The following GPA33 variants were observed in gnomAD, a reference collection of about 807,000 sequenced individuals.
GPA33 encodes cell surface A33 antigen.
A neutral mutation model predicts 35.6 loss-of-function variants in GPA33; 27 were observed. The ratio of observed to expected loss-of-function variants is 0.76; its 90% confidence interval spans 0.56 to 1.04. The LOEUF (loss-of-function observed/expected upper bound fraction) is 1.04. GPA33 is among the 50% of genes least tolerant of loss of function. The pLI, the probability that GPA33 is intolerant of heterozygous loss-of-function variation, is 0.00. For synonymous variants in GPA33, 176 were observed against 164.0 expected (o/e 1.07, Z -0.56); for missense variants, 428 against 411.9 (o/e 1.04, Z -0.34).
At chr1:167,089,299 G>C (rs1667113075) in intron 1 of GPA33, among the ~76,000 whole-genome samples, 1 of 152,094 alleles carries the variant, frequency 6.6e-6, no homozygotes, top group South Asian at 2.1e-4. Flanking sequence ...CTCTAAACCA[G>C]TCTCCTGGTT....
Position 167,069,009 on chromosome 1 carries a change from C to T in GPA33, c.328G>A (p.Ala110Thr), listed in dbSNP as rs544941275. 6.2e-7 allele frequency: 1 copy of T among 1,614,100 alleles called. No individual in the cohort carries two copies. Among genetic ancestry groups the T allele is most frequent in the Admixed American group, 1.7e-5 (1 of 60,032 alleles). Residue 110 changes from alanine to threonine, a missense_variant, in exon 3 of 7, where the codon GCT (alanine) becomes ACT (threonine). Ala to Thr is a moderately conservative substitution (Grantham distance 58, BLOSUM62 0). Transcript: ENST00000367868. ...GAACACTCGTAGGTGCCGTTGTCAG[C>T]CATGGTCAGCTGATCAATGGTGATG... is the stretch of plus-strand genomic sequence containing the variant. ...ASITIDQLTM[A>T]DNGTYECSVS... is the part of the protein sequence containing the mutation.
intron 4 of GPA33, among the ~76,000 whole-genome samples, chr1:167,061,328 T>A (rs1666434686): frequency 6.6e-6 from 1 of 152,176 alleles, no homozygotes; most frequent in African/African-American, 2.4e-5. Flanking sequence ...TATACACACT[T>A]TGCAGGAAAG....
At chr1:167,074,560 T>C (rs1416778993) in intron 1 of GPA33, among the ~76,000 whole-genome samples, 1 of 152,146 alleles carries the variant, frequency 6.6e-6, no homozygotes, top group African/African-American at 2.4e-5. Flanking sequence ...ATAAAGATTG[T>C]TATTATTTTA....
rs193197936 is a variant in GPA33 at position 167,072,009 on chromosome 1, G to A, written c.198+1376C>T. On this transcript the variant is annotated intron_variant, in intron 2 of 6. Transcript: ENST00000367868. ...TGATGGCAAGAGAAGGTTCCCTTTC[G>A]CTCCTACAAGCTAAAGGCAGCAGCT... is the stretch of plus-strand genomic sequence containing the variant. 9.2e-5 allele frequency among the ~76,000 whole-genome samples: 14 copies of A among 152,220 alleles called. No homozygotes were observed. The East Asian group carries it at 2.5e-3, about 27-fold the overall frequency.
intron 4 of GPA33, chr1:167,058,243 T>A (rs978395305): frequency 6.6e-6 from 1 of 152,154 alleles, no homozygotes; most frequent in Non-Finnish European, 1.5e-5. Flanking sequence ...ATAAAAGCAA[T>A]GTATGCTCCT....
intron 1 of GPA33, among the ~76,000 whole-genome samples, chr1:167,087,932 A>ACACACACACACACACACACACAC (rs374217623): frequency 5.9e-5 from 9 of 151,908 alleles, no homozygotes; most frequent in East Asian, 1.9e-4. Flanking sequence ...ACACACACAC[A>ACACACACACACACACACACACAC]AAGCAGACCA....
At chr1:167,084,683 T>C (rs557759063) in intron 1 of GPA33, among the ~76,000 whole-genome samples, 26 of 152,184 alleles carry the variant, frequency 1.7e-4, no homozygotes, top group Non-Finnish European at 3.5e-4. Flanking sequence ...AATTAGACTA[T>C]ATACCAGCTT....
intron 1 of GPA33, among the ~76,000 whole-genome samples, chr1:167,074,789 G>A (rs911467839): frequency 6.6e-6 from 1 of 151,918 alleles, no homozygotes; most frequent in African/African-American, 2.4e-5. Context: ...TTGTGGGGGT[G>A]GGGGTGGTCT....
At chr1:167,070,292 C>A (rs547925925) in intron 2 of GPA33, among the ~76,000 whole-genome samples, 1 of 152,170 alleles carries the variant, frequency 6.6e-6, no homozygotes, top group East Asian at 1.9e-4. Flanking sequence ...TGAGCTTGGG[C>A]AGGTAGCAAT....
At chr1:167,063,025 G>A (rs762596717) in intron 4 of GPA33, among the ~76,000 whole-genome samples, 3 of 152,350 alleles carry the variant, frequency 2.0e-5, no homozygotes, top group Non-Finnish European at 4.4e-5. Flanking sequence ...GAGAACTGAG[G>A]AATGAGGAAC....
intron 1 of GPA33, among the ~76,000 whole-genome samples, chr1:167,081,113 T>A (rs1469062829): frequency 6.6e-6 from 1 of 152,114 alleles, no homozygotes; most frequent in South Asian, 2.1e-4. Context: ...TTGTAAAAAA[T>A]TAAGGTTTAT....
At chr1:167,068,889 C>G (rs1304676053) in intron 3 of GPA33, 33 bp downstream of exon 3, 1 of 1,562,286 alleles carries the variant, frequency 6.4e-7, no homozygotes. Flanking sequence ...CCACCCTCTT[C>G]CTACAACTCC....
chr1:167,087,373 G>A (rs2102207711), intron 1 of GPA33, among the ~76,000 whole-genome samples: 1 of 152,284 alleles, frequency 6.6e-6, no homozygotes, highest in South Asian at 2.1e-4. Flanking sequence ...AACTCATTTA[G>A]TACCTATAAT....
At chr1:167,055,650 G>A (rs1029313611) in intron 5 of GPA33, 80 bp downstream of exon 5, 6 of 1,501,042 alleles carry the variant, frequency 4.0e-6, no homozygotes, top group East Asian at 2.3e-5. Flanking sequence ...TCCTCCTCAC[G>A]GTGGTCTCAG....
In GPA33 at chr1:167,082,603, G is replaced by A. The variant is rs571285604; in HGVS notation, c.43+7642C>T. Among the ~76,000 whole-genome samples the A allele has an allele frequency of 5.9e-5, 9 of 152,338 alleles. No individual in the cohort carries two copies. The East Asian group carries it at 9.6e-4, about 16-fold the overall frequency. Reference sequence around the variant, plus strand: ...AAGACCTTAGCCTGGGAGGGGACCCGAGAGGAGGGGAAGGGCCAGGGCACA... The same window carrying A: ...AAGACCTTAGCCTGGGAGGGGACCCAAGAGGAGGGGAAGGGCCAGGGCACA... On this transcript the variant is annotated intron_variant, in intron 1 of 6. Transcript: ENST00000367868.
At chr1:167,059,475 T>C (rs1666384854) in intron 4 of GPA33, among the ~76,000 whole-genome samples, 1 of 151,458 alleles carries the variant, frequency 6.6e-6, no homozygotes, top group South Asian at 2.1e-4. Flanking sequence ...CGTTTCCGCA[T>C]CCCCCCAACC....
rs779894608 is a variant in GPA33 at position 167,073,478 on chromosome 1, C to T, written c.105G>A (p.Gln35=). 1.9e-5 allele frequency: 30 copies of T among 1,613,518 alleles called. No individual in the cohort carries two copies. Among genetic ancestry groups the T allele is most frequent in the South Asian group, 3.3e-5 (3 of 91,070 alleles). ...ETPQDVLRAS[Q]GKSVTLPCTY... is the part of the protein sequence containing the mutation. ...TGCAGGGCAGGGTGACACTCTTTCCCTGCGAAGCCCGAAGAACGTCCTGCG... is the reference window on the plus strand; with the variant it reads ...TGCAGGGCAGGGTGACACTCTTTCCTTGCGAAGCCCGAAGAACGTCCTGCG... The change falls in exon 2 of 7, where the codon CAG becomes CAA. Residue 35 remains glutamine (Q), a synonymous_variant. Transcript: ENST00000367868.
At chr1:167,062,124 C>T (rs1343041830) in intron 4 of GPA33, among the ~76,000 whole-genome samples, 2 of 152,056 alleles carry the variant, frequency 1.3e-5, no homozygotes, top group East Asian at 1.9e-4. Flanking sequence ...GAAGCTAAAT[C>T]GGATGGACAC....
chr1:167,068,932 C>T lies in GPA33; in HGVS notation c.405G>A (p.Leu135=). 6.2e-7 allele frequency: 1 copy of T among 1,612,356 alleles called. No individual in the cohort carries two copies. The highest frequency in any genetic ancestry group is 1.1e-5 in the South Asian group (1 of 91,010). Residue 135 remains leucine (L), a synonymous_variant, in exon 3 of 7, where the codon CTG becomes CTA. Coordinates refer to ENST00000367868, the MANE Select transcript of GPA33 (RefSeq NM_005814.3). ...LEGNTKSRVR[L]LVLVPPSKPE... ...CATGAAGACACTCACCGAGGACCAA[C>T]AGGCGGACACGTGACTTGGTGTTGC...
Sources: allele counts gnomAD v4.1 joint callset (sites outside exome capture counted in the v4.1 genomes callset), GRCh38; gene constraint gnomAD v4.1.1; transcripts MANE v1.5; gene names NCBI Gene and HGNC (gene_info 2026-07-23, HGNC 2026-07-21).